Variants in ZFHX3 observed in about 807,000 individuals in gnomAD.
The protein encoded by ZFHX3 is zinc finger homeobox protein 3.
Under a neutral mutation model 279.1 loss-of-function variants are expected in ZFHX3, and 42 were observed. The observed-to-expected ratio is 0.15, with a 90% confidence interval of 0.12 to 0.19. The LOEUF (loss-of-function observed/expected upper bound fraction) is 0.19, where lower values mean the gene tolerates loss of function less well. ZFHX3 is among the 10% of genes least tolerant of loss of function. ZFHX3 has a pLI of 1.00. For missense variants in ZFHX3, 4,981 were observed against 4,754.0 expected, an observed-to-expected ratio of 1.05 and a Z score of -1.40; for synonymous variants, 2,293 against 1,957.8, an observed-to-expected ratio of 1.17 and a Z score of -4.52.
chr16:73,417,070 C>T (rs1389317970), intron 3 of ZFHX3, among the ~76,000 whole-genome samples: 1 of 151,988 alleles, frequency 6.6e-6, no homozygotes, highest in Non-Finnish European at 1.5e-5. Flanking sequence ...CATATAATAC[C>T]CTGAGAAGGG....
chr16:73,343,589 G>C (rs1267017081), intron 3 of ZFHX3, among the ~76,000 whole-genome samples: 1 of 152,172 alleles, frequency 6.6e-6, no homozygotes, highest in Non-Finnish European at 1.5e-5. Context: ...AGCTGGGCAT[G>C]ATGGTGCCTA....
chr16:73,323,881 G>T (rs967384774), intron 3 of ZFHX3, among the ~76,000 whole-genome samples: 5 of 152,210 alleles, frequency 3.3e-5, no homozygotes, highest in South Asian at 2.1e-4. Context: ...CAACCCATCT[G>T]GGCTTAAGAG....
intron 1 of ZFHX3, among the ~76,000 whole-genome samples, chr16:73,702,312 G>C (rs576135990): frequency 6.6e-6 from 1 of 152,212 alleles, no homozygotes; most frequent in African/African-American, 2.4e-5. Flanking sequence ...CTGCCTGGGG[G>C]CTGCAGGTGT....
chr16:73,249,587 G>A (rs2013418738), intron 5 of ZFHX3, among the ~76,000 whole-genome samples: 1 of 152,056 alleles, frequency 6.6e-6, no homozygotes, highest in Non-Finnish European at 1.5e-5. Context: ...CTCCCACCAG[G>A]TCCCTCCTAC....
At chr16:73,381,950 C>G (rs1260097446) in intron 3 of ZFHX3, among the ~76,000 whole-genome samples, 1 of 152,192 alleles carries the variant, frequency 6.6e-6, no homozygotes, top group Non-Finnish European at 1.5e-5. Flanking sequence ...TGCTAGTACA[C>G]AACTCTGCCA....
At chr16:72,938,522 G>T (rs1960241050) in intron 3 of ZFHX3, among the ~76,000 whole-genome samples, 1 of 152,238 alleles carries the variant, frequency 6.6e-6, no homozygotes, top group South Asian at 2.1e-4. Context: ...CAGCGGGAAG[G>T]GAGAGGGAGT....
intron 1 of ZFHX3, among the ~76,000 whole-genome samples, chr16:73,033,406 C>T (rs1425119318): frequency 3.3e-5 from 5 of 152,194 alleles, no homozygotes; most frequent in East Asian, 1.9e-4. Flanking sequence ...GCTCCCCCGC[C>T]GCCCCCCAGC....
At position 72,797,985 on chromosome 16, in the gene ZFHX3, G is replaced by C. The variant is rs2143460399; in HGVS notation, c.4697C>G (p.Ser1566Cys). Residue 1566 changes from serine (S) to cysteine (C), a missense_variant, in exon 9 of 10, where the codon TCT (serine) becomes TGT (cysteine). Coordinates refer to ENST00000268489, the MANE Select transcript of ZFHX3 (RefSeq NM_006885.4). Reference protein sequence around the residue: ...QKNILLVHYNSVSHLHKLKRA... With the variant: ...QKNILLVHYNCVSHLHKLKRA... ...CTTTAACTTATGCAGGTGGGAGACA[G>C]AATTGTAGTGTACTAGCAGGATATT... 1 of 1,614,242 alleles carries C rather than the reference G, an allele frequency of 6.2e-7. No homozygotes were observed. Among genetic ancestry groups the C allele is most frequent in the Non-Finnish European group, 8.5e-7 (1 of 1,180,052 alleles).
At chr16:73,683,014 A>G (rs921314360) in intron 1 of ZFHX3, among the ~76,000 whole-genome samples, 18 of 148,346 alleles carry the variant, frequency 1.2e-4, no homozygotes, top group Non-Finnish European at 3.0e-5. Context: ...AAAGAAAGAG[A>G]AAGGAGGGAG....
chr16:72,809,904 G>A (rs2036388866), intron 7 of ZFHX3: 1 of 149,654 alleles, frequency 6.7e-6, no homozygotes, highest in African/African-American at 2.5e-5. Context: ...TTTTGAGACG[G>A]AATCTTGCTC....
At chr16:73,399,355 C>A (rs2017198729) in intron 3 of ZFHX3, among the ~76,000 whole-genome samples, 2 of 152,234 alleles carry the variant, frequency 1.3e-5, no homozygotes, top group South Asian at 2.1e-4. Context: ...GGTGGAAACA[C>A]TGAGGTAAAT....
At chr16:73,850,636 CTCTG>C (rs1413427228) in intron 1 of ZFHX3, among the ~76,000 whole-genome samples, 2 of 152,162 alleles carry the variant, frequency 1.3e-5, no homozygotes, top group Non-Finnish European at 2.9e-5. Flanking sequence ...ATTGCCTGTC[CTCTG>C]TCTGTCCTGG....
intron 4 of ZFHX3, among the ~76,000 whole-genome samples, chr16:73,262,494 G>T (rs1302441535): frequency 6.6e-6 from 1 of 152,166 alleles, no homozygotes; most frequent in Non-Finnish European, 1.5e-5. Flanking sequence ...ATCTGCCTCA[G>T]TTTCCTCTAG....
At chr16:73,441,311 T>G (rs566443248) in intron 3 of ZFHX3, among the ~76,000 whole-genome samples, 1 of 152,188 alleles carries the variant, frequency 6.6e-6, no homozygotes, top group South Asian at 2.1e-4. Context: ...ATAATGTCAA[T>G]CCATGGTGTT....
chr16:73,024,144 GC>G (rs1384699097), intron 1 of ZFHX3, among the ~76,000 whole-genome samples: 1 of 152,170 alleles, frequency 6.6e-6, no homozygotes, highest in Non-Finnish European at 1.5e-5. Context: ...AGTCCACAGA[GC>G]CCCCTCATCT....
chr16:73,502,024 C>CT (rs937979975), intron 2 of ZFHX3, among the ~76,000 whole-genome samples: 5 of 148,842 alleles, frequency 3.4e-5, no homozygotes, highest in South Asian at 2.1e-4. Context: ...CGGGTTGTCT[C>CT]TTTTTTTTTC....
In ZFHX3 at chr16:72,796,763, C is replaced by T; in HGVS notation, c.5919G>A (p.Lys1973=). 2 of 1,613,670 alleles carry T rather than the reference C, an allele frequency of 1.2e-6. No homozygotes were observed. Among genetic ancestry groups the T allele is most frequent in the Non-Finnish European group, 8.5e-7 (1 of 1,179,954 alleles). ...TTTCCAGGTTCTCTCCCTGGTCAGTCTTCCCATTCTTTTTCTGCACCTTCT... is the reference window on the plus strand; with the variant it reads ...TTTCCAGGTTCTCTCCCTGGTCAGTTTTCCCATTCTTTTTCTGCACCTTCT... The part of the protein sequence containing the change: ...NKQKVQKKNG[K]TDQGENLEKL... The change falls in exon 9 of 10, where the codon AAG becomes AAA. Residue 1973 remains lysine, a synonymous_variant. Coordinates refer to ENST00000268489, the MANE Select transcript of ZFHX3 (RefSeq NM_006885.4).
chr16:73,245,270 T>C (rs1383208363), intron 5 of ZFHX3, among the ~76,000 whole-genome samples: 1 of 152,190 alleles, frequency 6.6e-6, no homozygotes, highest in Non-Finnish European at 1.5e-5. Flanking sequence ...TTTTCTGTTT[T>C]TTTGTTTGTT....
At chr16:73,029,983 T>C (rs1375269762) in intron 1 of ZFHX3, among the ~76,000 whole-genome samples, 1 of 152,232 alleles carries the variant, frequency 6.6e-6, no homozygotes, top group Non-Finnish European at 1.5e-5. Flanking sequence ...TTTGATCCTC[T>C]AATTTTCCAC....
Sources: gnomAD v4.1 joint callset for allele counts (sites outside exome capture counted in the v4.1 genomes callset) on GRCh38, gnomAD v4.1.1 for gene constraint, MANE v1.5 for transcripts, NCBI Gene and HGNC (gene_info 2026-07-23, HGNC 2026-07-21) for gene names.